ZNF248: variants seen among roughly 807,000 people sequenced by gnomAD.
ZNF248 encodes zinc finger protein 248.
A neutral mutation model predicts 44.3 loss-of-function variants in ZNF248; 20 were observed. The ratio of observed to expected loss-of-function variants is 0.45; its 90% CI spans 0.32 to 0.66. The LOEUF (loss-of-function observed/expected upper bound fraction) is 0.66. Ranked by LOEUF, ZNF248 falls within the 30% of genes least tolerant of loss-of-function variation. The pLI is 0.04. For synonymous variants in ZNF248, 224 were observed against 229.0 expected (o/e 0.98, Z 0.20); for missense variants, 654 against 677.0 (o/e 0.97, Z 0.38).
At chr10:37,767,221 C>T in the ZNF248 span, among the ~76,000 whole-genome samples, 2 of 152,188 alleles carry the variant, frequency 1.3e-5, no homozygotes, top group Admixed American at 1.3e-4. Context: ...TCCAGGAGAA[C>T]TTCCCCAATC....
Position 37,831,176 on chromosome 10 carries a change from G to C in ZNF248, c.*439C>G. On this transcript the variant is annotated 3_prime_UTR_variant, in exon 6 of 6. Transcript: ENST00000395867. Reference sequence around the variant, plus strand: ...GTACGTATCTTCTCCTTATGATCATGTTGAGTTCCAATATACAAATCAAGC... The same window carrying C: ...GTACGTATCTTCTCCTTATGATCATCTTGAGTTCCAATATACAAATCAAGC... 6.5e-7 allele frequency: 1 copy of C among 1,532,228 alleles called. No individual in the cohort carries two copies. The highest frequency in any genetic ancestry group is 2.5e-5 in the East Asian group (1 of 40,500). The allele number at this position is 1,532,228 out of a possible 1,614,324, so 94.9% of individuals were successfully genotyped here.
At position 37,830,150 on chromosome 10, in the gene ZNF248, C is replaced by T. The variant is rs902720740; in HGVS notation, c.*1465G>A. On this transcript the variant is annotated 3_prime_UTR_variant, in exon 6 of 6. Coordinates refer to ENST00000395867, the MANE Select transcript of ZNF248 (RefSeq NM_021045.3). The stretch of plus-strand genomic sequence containing the variant: ...AATCAAGGATATCAAAAGGGCCTTT[C>T]ATTACATACCGCCACTTTTTGAGGA... 4.1e-6 allele frequency: 4 copies of T among 985,308 alleles called. No individual in the cohort carries two copies. In the African/African-American group the frequency reaches 7.0e-5, roughly 17 times the overall value. The allele number at this position is 985,308 out of a possible 1,614,324, so 61.0% of individuals were successfully genotyped here.
In ZNF248 at chr10:37,819,790, A is replaced by C; in HGVS notation, c.330+13235T>G. On this transcript the variant is annotated intron_variant, in intron 6 of 6. Transcript: ENST00000615949. ...TCCACTGTTTCTGCTCACTGGTTGC[A>C]GGAGGGTCCTGACCCATGGCAGGAG... 5.1e-6 allele frequency: 4 copies of C among 782,352 alleles called. No individual in the cohort carries two copies. In the Admixed American group the frequency reaches 6.8e-5, roughly 13 times the overall value. The allele number at this position is 782,352 out of a possible 1,614,324, so 48.5% of individuals were successfully genotyped here. A position where few individuals can be genotyped will look rare whatever the true frequency, so the allele number is the denominator to read the frequency against.
At chr10:37,794,854 T>C (rs754267492) in intron 6 of ZNF248, 1 of 155,750 alleles carries the variant, frequency 6.4e-6, no homozygotes, top group East Asian at 1.9e-4. Context: ...TATTCTCTGA[T>C]GTCTAGTGAG....
chr10:37,812,495 A>T (rs966555204), intron 6 of ZNF248, among the ~76,000 whole-genome samples: 1 of 152,116 alleles, frequency 6.6e-6, no homozygotes, highest in Non-Finnish European at 1.5e-5. Context: ...AAAGATAAAC[A>T]TCAGCTTCCA....
At chr10:37,836,312 T>C (rs908615151) in intron 5 of ZNF248, among the ~76,000 whole-genome samples, 1 of 152,170 alleles carries the variant, frequency 6.6e-6, no homozygotes, top group Non-Finnish European at 1.5e-5. Flanking sequence ...TCAAATCTGA[T>C]GACTTAAGCT....
At chr10:37,849,351 G>T (rs182098378) in intron 3 of ZNF248, among the ~76,000 whole-genome samples, 1 of 151,710 alleles carries the variant, frequency 6.6e-6, no homozygotes, top group African/African-American at 2.4e-5. Context: ...TGGTTAAATT[G>T]TAAGATTTTC....
intron 3 of ZNF248, among the ~76,000 whole-genome samples, chr10:37,851,507 C>G (rs1436807268): frequency 3.3e-5 from 5 of 152,158 alleles, no homozygotes; most frequent in African/African-American, 1.2e-4. Context: ...GAATTCAAAG[C>G]CACCTCTTTG....
intron 6 of ZNF248, among the ~76,000 whole-genome samples, chr10:37,813,536 G>A (rs2051904450): frequency 6.6e-6 from 1 of 151,924 alleles, no homozygotes; most frequent in Admixed American, 6.6e-5. Flanking sequence ...ATGACAATGA[G>A]GATGAAGACC....
rs1338068550 is a variant in ZNF248 at position 37,830,487 on chromosome 10, G to A, written c.*1128C>T. The A allele has an allele frequency of 2.2e-4, 215 of 985,284 alleles. No individual in the cohort carries two copies. The highest frequency in any genetic ancestry group is 2.5e-4 in the Non-Finnish European group (207 of 829,924). The allele number at this position is 985,284 out of a possible 1,614,324, so 61.0% of individuals were successfully genotyped here. On this transcript the variant is annotated 3_prime_UTR_variant, in exon 6 of 6. Coordinates refer to ENST00000395867, the MANE Select transcript of ZNF248 (RefSeq NM_021045.3). ...ATTCAGAGGTAGTTAAAAACCTCAC[G>A]GAAATATTTTTGGCTTCTTTCTTGA...
At chr10:37,827,805 C>T (rs1284008553), downstream of ZNF248, among the ~76,000 whole-genome samples, 2 of 152,126 alleles carry the variant, frequency 1.3e-5, no homozygotes, top group Non-Finnish European at 2.9e-5. Context: ...GGGCTGAACC[C>T]TCCCAGAAGC....
intron 6 of ZNF248, among the ~76,000 whole-genome samples, chr10:37,822,526 C>G (rs907761714): frequency 6.6e-6 from 1 of 152,104 alleles, no homozygotes; most frequent in Middle Eastern, 3.2e-3. Flanking sequence ...ATAATCTCTT[C>G]ACTGAACTGT....
At chr10:37,791,675 A>C (rs1183020921) in intron 6 of ZNF248, 1 of 152,228 alleles carries the variant, frequency 6.6e-6, no homozygotes, top group Non-Finnish European at 1.5e-5. Context: ...CAAAAAGAAG[A>C]AAGCCATTTG....
At chr10:37,762,224 A>C in the ZNF248 span, among the ~76,000 whole-genome samples, 1 of 152,202 alleles carries the variant, frequency 6.6e-6, no homozygotes, top group Non-Finnish European at 1.5e-5. Context: ...AAGCTCCTAC[A>C]AATCTGTTGC....
chr10:37,786,210 A>C (rs556801974), intron 6 of ZNF248, among the ~76,000 whole-genome samples: 1 of 152,294 alleles, frequency 6.6e-6, no homozygotes, highest in South Asian at 2.1e-4. Context: ...TTTTGCAGAG[A>C]TCAATCAGAT....
At chr10:37,815,013 T>C (rs1027317777) in intron 6 of ZNF248, among the ~76,000 whole-genome samples, 2 of 152,196 alleles carry the variant, frequency 1.3e-5, no homozygotes, top group African/African-American at 4.8e-5. Context: ...GAACAATGCA[T>C]ATATTCATCC....
At chr10:37,814,069 T>A (rs532814126) in intron 6 of ZNF248, among the ~76,000 whole-genome samples, 3 of 152,204 alleles carry the variant, frequency 2.0e-5, no homozygotes, top group Non-Finnish European at 4.4e-5. Flanking sequence ...TTGTTTTCTA[T>A]GTCTTACAGC....
intron 6 of ZNF248, among the ~76,000 whole-genome samples, chr10:37,787,156 GTA>G (rs2047978644): frequency 6.6e-6 from 1 of 152,084 alleles, no homozygotes; most frequent in Admixed American, 6.6e-5. Context: ...GTACACGCCT[GTA>G]GTCCCAGCTA....
At chr10:37,812,991 G>A (rs1316671864) in intron 6 of ZNF248, among the ~76,000 whole-genome samples, 1 of 142,820 alleles carries the variant, frequency 7.0e-6, no homozygotes, top group African/African-American at 2.5e-5. Context: ...GCCAATCAAG[G>A]AAATCATAAA....
Sources: allele counts gnomAD v4.1 joint callset (sites outside exome capture counted in the v4.1 genomes callset), GRCh38; gene constraint gnomAD v4.1.1; transcripts MANE v1.5; gene names NCBI Gene and HGNC (gene_info 2026-07-23, HGNC 2026-07-21).